ST6GALNAC3: variants seen among roughly 807,000 people sequenced by gnomAD.
The protein encoded by ST6GALNAC3 is ST6 N-acetylgalactosaminide alpha-2,6-sialyltransferase 3.
In ST6GALNAC3, 25 loss-of-function variants were observed where a neutral mutation model predicts 32.7. That is an observed-to-expected ratio of 0.76 (90% CI 0.56 to 1.07). The LOEUF is 1.07. Ranked by LOEUF, ST6GALNAC3 falls within the 50% of genes least tolerant of loss-of-function variation. ST6GALNAC3 has a pLI of 0.00. For missense variants in ST6GALNAC3, 355 were observed against 382.4 expected (o/e 0.93, Z 0.60); for synonymous variants, 129 against 133.1 (o/e 0.97, Z 0.21).
intron 1 of ST6GALNAC3, among the ~76,000 whole-genome samples, chr1:76,273,897 T>A (rs965803028): frequency 3.3e-5 from 5 of 152,226 alleles, no homozygotes; most frequent in Non-Finnish European, 7.3e-5. Flanking sequence ...ACTCCTGTGC[T>A]TTATGGGAGT....
chr1:76,155,155 G>T (rs764228487), intron 1 of ST6GALNAC3, among the ~76,000 whole-genome samples: 1 of 152,060 alleles, frequency 6.6e-6, no homozygotes, highest in Non-Finnish European at 1.5e-5. Flanking sequence ...CTTGGTACAG[G>T]GTCTAGAAGT....
intron 1 of ST6GALNAC3, among the ~76,000 whole-genome samples, chr1:76,264,536 G>A (rs1658422872): frequency 6.6e-6 from 1 of 152,056 alleles, no homozygotes; most frequent in South Asian, 2.1e-4. Context: ...TCTGTGAGGT[G>A]CTCGGCGTAC....
intron 3 of ST6GALNAC3, among the ~76,000 whole-genome samples, chr1:76,560,420 T>A (rs1665179259): frequency 6.6e-6 from 1 of 152,088 alleles, no homozygotes; most frequent in Non-Finnish European, 1.5e-5. Context: ...AGAAAATACT[T>A]GCAAACTACC....
rs964232521 is a variant in ST6GALNAC3 at position 76,386,156 on chromosome 1, G to A, written c.214-25852G>A. 3.9e-5 allele frequency among the ~76,000 whole-genome samples: 6 copies of A among 152,040 alleles called. No homozygotes were observed. The East Asian group carries it at 7.7e-4, about 20-fold the overall frequency. On this transcript the variant is annotated intron_variant, in intron 2 of 4. Coordinates refer to ENST00000328299, the MANE Select transcript of ST6GALNAC3 (RefSeq NM_152996.4). The stretch of plus-strand genomic sequence containing the variant: ...ATATATTAAAAAAAAAAAGTTTATG[G>A]ATTGAATTGAATTGAATCATACTGA...
chr1:76,520,637 T>C (rs899388000), intron 3 of ST6GALNAC3, among the ~76,000 whole-genome samples: 1 of 152,188 alleles, frequency 6.6e-6, no homozygotes, highest in East Asian at 1.9e-4. Context: ...GCATGGCTTA[T>C]AGATTTCAGA....
At chr1:76,285,903 C>T (rs930418437) in intron 1 of ST6GALNAC3, among the ~76,000 whole-genome samples, 2 of 152,064 alleles carry the variant, frequency 1.3e-5, no homozygotes, top group Non-Finnish European at 2.9e-5. Flanking sequence ...GGCAGACACA[C>T]ACCCCCGCGC....
intron 3 of ST6GALNAC3, among the ~76,000 whole-genome samples, chr1:76,609,721 G>C (rs1019895485): frequency 1.3e-5 from 2 of 152,150 alleles, no homozygotes; most frequent in African/African-American, 4.8e-5. Flanking sequence ...ATACTGAGAA[G>C]TCCAGTAGTG....
At chr1:76,112,515 G>C (rs1648093360) in intron 1 of ST6GALNAC3, among the ~76,000 whole-genome samples, 1 of 151,542 alleles carries the variant, frequency 6.6e-6, no homozygotes, top group Non-Finnish European at 1.5e-5. Flanking sequence ...GCCGGGCGGG[G>C]TATTGACCCC....
intron 2 of ST6GALNAC3, among the ~76,000 whole-genome samples, chr1:76,346,103 T>C (rs1648488936): frequency 6.6e-6 from 1 of 152,152 alleles, no homozygotes; most frequent in African/African-American, 2.4e-5. Context: ...ACCAGGGGTA[T>C]AATGTTATTT....
At chr1:76,256,486 T>C (rs1657925277) in intron 1 of ST6GALNAC3, among the ~76,000 whole-genome samples, 1 of 152,146 alleles carries the variant, frequency 6.6e-6, no homozygotes, top group East Asian at 1.9e-4. Context: ...TATTTTGAAG[T>C]GGCGTTGTAA....
intron 1 of ST6GALNAC3, among the ~76,000 whole-genome samples, chr1:76,088,054 A>G (rs149449308): frequency 3.9e-5 from 6 of 152,192 alleles, no homozygotes; most frequent in Non-Finnish European, 8.8e-5. Context: ...TGTTATTGTT[A>G]TTAGCTAACA....
intron 3 of ST6GALNAC3, among the ~76,000 whole-genome samples, chr1:76,505,232 C>G (rs1661407073): frequency 6.6e-6 from 1 of 151,736 alleles, no homozygotes; most frequent in Non-Finnish European, 1.5e-5. Context: ...CAAGCAATTT[C>G]CTGCCTCAGT....
chr1:76,128,047 AG>A (rs928189323), intron 1 of ST6GALNAC3, among the ~76,000 whole-genome samples: 4 of 152,138 alleles, frequency 2.6e-5, no homozygotes, highest in African/African-American at 9.7e-5. Flanking sequence ...TGCCAATCCC[AG>A]GTGGGGATTA....
chr1:76,112,353 G>A (rs77017668), intron 1 of ST6GALNAC3, among the ~76,000 whole-genome samples: 27,095 of 135,336 alleles, frequency 0.2, 2,996 homozygotes, highest in Admixed American at 0.29. Context: ...CGGACGGGGC[G>A]GCTGGCCGGG....
intron 1 of ST6GALNAC3, chr1:76,305,824 G>C (rs1418406226): frequency 1.9e-5 from 9 of 482,970 alleles, no homozygotes; most frequent in Middle Eastern, 3.4e-4. Context: ...TCCAGACAAA[G>C]AAATAGAGGC....
At chr1:76,520,269 G>A (rs1662431422) in intron 3 of ST6GALNAC3, among the ~76,000 whole-genome samples, 1 of 152,098 alleles carries the variant, frequency 6.6e-6, no homozygotes, top group Non-Finnish European at 1.5e-5. Context: ...TACTAGACAA[G>A]GGAAGAGAGA....
intron 1 of ST6GALNAC3, among the ~76,000 whole-genome samples, chr1:76,076,569 A>G (rs1646819124): frequency 6.6e-6 from 1 of 152,170 alleles, no homozygotes; most frequent in Non-Finnish European, 1.5e-5. Flanking sequence ...CTGCTTCACA[A>G]GGTTGCTGTG....
chr1:76,432,443 CTTTTTTTTTTT>C (rs35527607), intron 3 of ST6GALNAC3, among the ~76,000 whole-genome samples: 2 of 57,152 alleles, frequency 3.5e-5, no homozygotes, highest in Non-Finnish European at 6.3e-5. Context: ...CCTTTATTGC[CTTTTTTTTTTT>C]TTTTTTTTTT....
intron 3 of ST6GALNAC3, among the ~76,000 whole-genome samples, chr1:76,441,531 G>A (rs894828938): frequency 2.0e-5 from 3 of 152,046 alleles, no homozygotes; most frequent in African/African-American, 7.3e-5. Context: ...GGGTACATGA[G>A]ATGTTTTGAT....
Sources: gnomAD v4.1 joint callset for allele counts (sites outside exome capture counted in the v4.1 genomes callset) on GRCh38, gnomAD v4.1.1 for gene constraint, MANE v1.5 for transcripts, NCBI Gene and HGNC (gene_info 2026-07-23, HGNC 2026-07-21) for gene names.